ARPP21: variants seen among roughly 807,000 people sequenced by gnomAD.
The protein encoded by ARPP21 is cAMP regulated phosphoprotein 21.
A neutral mutation model predicts 113.2 loss-of-function variants in ARPP21; 69 were observed. The observed-to-expected ratio is 0.61, with a 90% CI of 0.50 to 0.74. The LOEUF (loss-of-function observed/expected upper bound fraction) is 0.74, where lower values mean the gene tolerates loss of function less well. Ranked by LOEUF, ARPP21 falls within the 30% of genes least tolerant of loss-of-function variation. The pLI is 0.00. For missense variants in ARPP21, 1,070 were observed against 1,037.4 expected, an observed-to-expected ratio of 1.03 and a Z score of -0.43; for synonymous variants, 368 against 375.5, an observed-to-expected ratio of 0.98 and a Z score of 0.23.
chr3:35,684,818 A>T (rs2080073305), intron 5 of ARPP21: 1 of 983,588 alleles, frequency 1.0e-6, no homozygotes, highest in East Asian at 1.1e-4. Flanking sequence ...TTCTAGCATC[A>T]TTTTCTTTAC....
chr3:35,715,648 C>A, intron 12 of ARPP21, 172 bp downstream of exon 12: 1 of 447,062 alleles, frequency 2.2e-6, no homozygotes, highest in Non-Finnish European at 3.9e-6. Flanking sequence ...TACAAATGAT[C>A]TAATTTGGAA....
intron 18 of ARPP21, among the ~76,000 whole-genome samples, chr3:35,740,930 T>G (rs2094617859): frequency 6.6e-6 from 1 of 151,862 alleles, no homozygotes. Context: ...AGACTTCATC[T>G]CTGCAAAGAA....
At position 35,739,372 on chromosome 3, in the gene ARPP21, G is replaced by A; in HGVS notation, c.1805G>A (p.Gly602Glu). ...GQMTLSRQSS[G>E]ETPEPPSGPV... ...ATGACCCTGAGCCGGCAGTCCTCGGGGGAGACTCCTGAACCCCCATCAGGT... is the reference window on the plus strand; with the variant it reads ...ATGACCCTGAGCCGGCAGTCCTCGGAGGAGACTCCTGAACCCCCATCAGGT... The change falls in exon 18 of 21, where the codon GGG becomes GAG. Residue 602 changes from glycine to glutamate, a missense_variant. Gly to Glu is a moderately conservative substitution (Grantham distance 98). Transcript: ENST00000684406. The A allele has an allele frequency of 6.2e-7, 1 of 1,614,088 alleles. No individual in the cohort carries two copies. Among genetic ancestry groups the A allele is most frequent in the Non-Finnish European group, 8.5e-7 (1 of 1,180,016 alleles).
intron 19 of ARPP21, among the ~76,000 whole-genome samples, chr3:35,783,330 A>G (rs1244957707): frequency 6.6e-6 from 1 of 151,978 alleles, no homozygotes; most frequent in Non-Finnish European, 1.5e-5. Flanking sequence ...TTTACCGATC[A>G]TCTCTATATA....
At chr3:35,792,680 T>C in intron 20 of ARPP21, 150 bp downstream of exon 20, 2 of 671,676 alleles carry the variant, frequency 3.0e-6, no homozygotes, top group Non-Finnish European at 5.2e-6. Context: ...AAGATTATAA[T>C]AGAAAAGTAG....
intron 1 of ARPP21, 31 bp from the exon 2 acceptor site, chr3:35,679,756 T>C (rs1297063188): frequency 6.6e-6 from 1 of 152,218 alleles, no homozygotes; most frequent in Non-Finnish European, 1.5e-5. Context: ...ATTATTGCAA[T>C]TATTATTATT....
chr3:35,700,302 G>A (rs1183155593), intron 9 of ARPP21, among the ~76,000 whole-genome samples: 1 of 151,744 alleles, frequency 6.6e-6, no homozygotes, highest in Non-Finnish European at 1.5e-5. Context: ...TCAGTGTTAT[G>A]TCTGTATGCT....
Position 35,758,262 on chromosome 3 carries a change from T to G in ARPP21, c.2137+14297T>G, listed in dbSNP as rs75194388. Among the ~76,000 whole-genome samples, 534 of 151,956 alleles carry G rather than the reference T, an allele frequency of 3.5e-3. 3 individuals carry two copies. The highest frequency in any genetic ancestry group is 0.012 in the African/African-American group (477 of 41,456). On this transcript the variant is annotated intron_variant, in intron 19 of 20. Coordinates refer to ENST00000684406, the MANE Select transcript of ARPP21 (RefSeq NM_001385562.1). ...AGTCCTTGCTTTCCTGATTTCCTCA[T>G]CAATAAAGAAGCATATACTTGGGGG...
chr3:35,688,636 C>G (rs1168852315), intron 6 of ARPP21, among the ~76,000 whole-genome samples: 1 of 151,530 alleles, frequency 6.6e-6, no homozygotes, highest in Non-Finnish European at 1.5e-5. Context: ...ATCTGGTCAA[C>G]TGAGAAATGA....
intron 18 of ARPP21, among the ~76,000 whole-genome samples, chr3:35,741,303 A>G (rs1347672309): frequency 6.6e-6 from 1 of 152,238 alleles, no homozygotes; most frequent in African/African-American, 2.4e-5. Flanking sequence ...ACAGGTGTCC[A>G]TGGTTCATAA....
intron 1 of ARPP21, among the ~76,000 whole-genome samples, chr3:35,675,292 T>C (rs2077206851): frequency 6.6e-6 from 1 of 151,818 alleles, no homozygotes; most frequent in Admixed American, 6.6e-5. Flanking sequence ...GTTTAGGCCA[T>C]TTAAAAATCT....
At chr3:35,681,685 C>A (rs2078980792) in intron 2 of ARPP21, 29 bp from the exon 3 acceptor site, 1 of 1,268,240 alleles carries the variant, frequency 7.9e-7, no homozygotes, top group Non-Finnish European at 1.1e-6. Context: ...CTTGCACTGA[C>A]TTTATTTTCT....
chr3:35,789,013 C>G (rs1577066923), intron 19 of ARPP21, among the ~76,000 whole-genome samples: 1 of 152,284 alleles, frequency 6.6e-6, no homozygotes, highest in South Asian at 2.1e-4. Flanking sequence ...TCGATCTTGA[C>G]TGAAAAAGAA....
chr3:35,685,163 T>C, intron 5 of ARPP21: 1 of 985,442 alleles, frequency 1.0e-6, no homozygotes, highest in Non-Finnish European at 1.2e-6. Context: ...ATCTGCTTTT[T>C]GTCCCATTTG....
intron 19 of ARPP21, among the ~76,000 whole-genome samples, chr3:35,776,865 C>T (rs1235731737): frequency 6.6e-6 from 1 of 152,144 alleles, no homozygotes; most frequent in Non-Finnish European, 1.5e-5. Flanking sequence ...GCCTGGATAT[C>T]TGCTTCCCAG....
chr3:35,674,697 G>A (rs953369832), intron 1 of ARPP21, among the ~76,000 whole-genome samples: 2 of 151,792 alleles, frequency 1.3e-5, no homozygotes, highest in African/African-American at 4.8e-5. Context: ...ATGAAAAATG[G>A]GCCTTAAGGA....
intron 15 of ARPP21, among the ~76,000 whole-genome samples, chr3:35,735,550 C>T (rs1427477362): frequency 2.0e-5 from 3 of 152,326 alleles, no homozygotes; most frequent in Non-Finnish European, 2.9e-5. Context: ...AATGCTCATG[C>T]AAGCCTTATG....
rs1034449293 is a variant in ARPP21, at chr3:35,640,026, G to T, written c.-585G>T. 6.6e-6 allele frequency: 1 copy of T among 152,334 alleles called. No individual in the cohort carries two copies. The highest frequency in any genetic ancestry group is 2.4e-5 in the African/African-American group (1 of 41,438). The allele number at this position is 152,334 out of a possible 1,614,324, so 9.4% of individuals were successfully genotyped here. The stretch of plus-strand genomic sequence containing the variant: ...AGGAGGCGGGGGCGCGTTCACTCCC[G>T]GCGGCCAGCCGGCCAGAGAAGGCGG... On this transcript the variant is annotated 5_prime_UTR_variant, in exon 1 of 21. Coordinates refer to ENST00000684406, the MANE Select transcript of ARPP21 (RefSeq NM_001385562.1).
At chr3:35,726,718 C>T (rs1444384410) in intron 14 of ARPP21, among the ~76,000 whole-genome samples, 1 of 152,208 alleles carries the variant, frequency 6.6e-6, no homozygotes, top group Non-Finnish European at 1.5e-5. Context: ...CAACCCATCC[C>T]TCCTAACACA....
Sources: gnomAD v4.1 joint callset for allele counts (sites outside exome capture counted in the v4.1 genomes callset) on GRCh38, gnomAD v4.1.1 for gene constraint, MANE v1.5 for transcripts, NCBI Gene and HGNC (gene_info 2026-07-23, HGNC 2026-07-21) for gene names.